NINJ2: variants seen among roughly 807,000 people sequenced by gnomAD.
The protein encoded by NINJ2 is ninjurin-2.
Under a neutral mutation model 11.7 loss-of-function variants are expected in NINJ2, and 12 were observed. The observed-to-expected ratio is 1.02, with a 90% CI of 0.66 to 1.66. The LOEUF (loss-of-function observed/expected upper bound fraction) is 1.66. NINJ2 is among the 40% of genes most tolerant of loss of function. NINJ2 has a pLI of 0.00. For synonymous variants in NINJ2, 93 were observed against 76.8 expected, an observed-to-expected ratio of 1.21 and a Z score of -1.10; for missense variants, 187 against 181.8, an observed-to-expected ratio of 1.03 and a Z score of -0.16.
Position 629,560 on chromosome 12 carries a change from G to A in NINJ2, c.33+33768C>T, listed in dbSNP as rs189993389. Reference sequence around the variant, plus strand: ...TGCAGCCCAGGACGGCTTTGAACGCGGCCCAAAACAAATTCGTAAATTGTC... The same window carrying A: ...TGCAGCCCAGGACGGCTTTGAACGCAGCCCAAAACAAATTCGTAAATTGTC... On this transcript the variant is annotated intron_variant, in intron 1 of 3. Coordinates refer to ENST00000305108, the MANE Select transcript of NINJ2 (RefSeq NM_016533.6). Among the ~76,000 whole-genome samples, 185 of 152,166 alleles carry A rather than the reference G, an allele frequency of 1.2e-3. 2 individuals carry two copies. Among genetic ancestry groups the A allele is most frequent in the African/African-American group, 4.3e-3 (177 of 41,526 alleles).
chr12:613,632 G>A (rs988546013), intron 1 of NINJ2, among the ~76,000 whole-genome samples: 1 of 152,026 alleles, frequency 6.6e-6, no homozygotes, highest in Admixed American at 6.6e-5. Flanking sequence ...TAGGCCGGGC[G>A]CGGTGGCTCA....
chr12:586,538 G>A (rs1329306164), intron 1 of NINJ2: 1 of 152,284 alleles, frequency 6.6e-6, no homozygotes, highest in African/African-American at 2.4e-5. Context: ...GAAGGGGTGG[G>A]AGCTGCTTCT....
At chr12:602,314 C>A (rs1451077321) in intron 1 of NINJ2, among the ~76,000 whole-genome samples, 1 of 152,216 alleles carries the variant, frequency 6.6e-6, no homozygotes, top group East Asian at 1.9e-4. Flanking sequence ...TTATCCCCAG[C>A]CCCAGCCTAG....
intron 1 of NINJ2, among the ~76,000 whole-genome samples, chr12:658,916 G>A (rs1287038738): frequency 6.6e-6 from 1 of 151,802 alleles, no homozygotes; most frequent in Non-Finnish European, 1.5e-5. Flanking sequence ...TGATAATGGG[G>A]AGTCTATGCA....
chr12:607,089 G>T (rs762355187), intron 1 of NINJ2, among the ~76,000 whole-genome samples: 1 of 152,122 alleles, frequency 6.6e-6, no homozygotes, highest in Non-Finnish European at 1.5e-5. Context: ...TTGCATTTCA[G>T]TCACTTGCAA....
intron 1 of NINJ2, among the ~76,000 whole-genome samples, chr12:623,829 T>C (rs1054086196): frequency 2.5e-4 from 38 of 151,018 alleles, no homozygotes; most frequent in Non-Finnish European, 5.9e-5. Flanking sequence ...AGCCCAGGAG[T>C]TCAAGACCAG....
chr12:617,569 G>A (rs1442647039), intron 1 of NINJ2, among the ~76,000 whole-genome samples: 3 of 152,204 alleles, frequency 2.0e-5, no homozygotes, highest in Non-Finnish European at 2.9e-5. Flanking sequence ...AGCTCCTGGG[G>A]ATAAAAGGCT....
intron 1 of NINJ2, among the ~76,000 whole-genome samples, chr12:587,806 C>T (rs1357050729): frequency 2.6e-5 from 4 of 152,208 alleles, no homozygotes; most frequent in South Asian, 2.1e-4. Context: ...CCTTCCTCGC[C>T]GTCCACCCAG....
At chr12:632,786 C>T (rs975807360) in intron 1 of NINJ2, among the ~76,000 whole-genome samples, 6 of 152,244 alleles carry the variant, frequency 3.9e-5, no homozygotes, top group African/African-American at 1.2e-4. Flanking sequence ...CAAATCCCAG[C>T]GGATCTAAGC....
chr12:632,968 CG>C (rs749371910), intron 1 of NINJ2, among the ~76,000 whole-genome samples: 2 of 152,074 alleles, frequency 1.3e-5, no homozygotes, highest in Non-Finnish European at 2.9e-5. Context: ...GTTAGTGGGC[CG>C]GGTTGAGCTT....
At position 628,369 on chromosome 12, in the gene NINJ2, G is replaced by A. The variant is rs1336902794; in HGVS notation, c.33+34959C>T. Among the ~76,000 whole-genome samples, 5 of 152,082 alleles carry A rather than the reference G, an allele frequency of 3.3e-5. No homozygotes were observed. The highest frequency in any genetic ancestry group is 4.8e-5 in the African/African-American group (2 of 41,458). ...ACATAGGAAGGAGCCAGGTCTTTCC[G>A]TTCTTCTGCGTCTCCTCACAGCGTC... On this transcript the variant is annotated intron_variant, in intron 1 of 3. Coordinates refer to ENST00000305108, the MANE Select transcript of NINJ2 (RefSeq NM_016533.6). The surrounding 1 kb of genome is among the most constrained non-coding windows in gnomAD (Gnocchi z 4.4).
chr12:610,386 C>A, intron 1 of NINJ2: 2 of 1,535,458 alleles, frequency 1.3e-6, no homozygotes, highest in Non-Finnish European at 1.7e-6. Flanking sequence ...TGACTTGGAA[C>A]TGAAGCCTCT....
rs1947555910 is a variant in NINJ2, at chr12:581,543, T to TA, written c.34-15366_34-15365insT. Among the ~76,000 whole-genome samples the TA allele has an allele frequency of 1.3e-5, 2 of 152,182 alleles. No homozygotes were observed. Among genetic ancestry groups the TA allele is most frequent in the Admixed American group, 6.5e-5 (1 of 15,274 alleles). ...AGCCTGGATCCTCATACCGGGGCTC[T>TA]CCTGTCCTTCCTCAGGATTCGAAAT... On this transcript the variant is annotated intron_variant, in intron 1 of 3. Transcript: ENST00000305108. The surrounding 1 kb of genome is among the most constrained non-coding windows in gnomAD (Gnocchi z 4.9).
At chr12:615,561 C>G (rs1009375396) in intron 1 of NINJ2, among the ~76,000 whole-genome samples, 1 of 152,178 alleles carries the variant, frequency 6.6e-6, no homozygotes, top group Non-Finnish European at 1.5e-5. Context: ...GCACTCTAGC[C>G]CCGGGCGACA....
At chr12:648,988 A>ATCTGTCTG (rs10648707) in intron 1 of NINJ2, among the ~76,000 whole-genome samples, 21 of 150,050 alleles carry the variant, frequency 1.4e-4, no homozygotes, top group East Asian at 6.2e-4. Context: ...CTATCTATCT[A>ATCTGTCTG]TCTATCTGTC....
intron 1 of NINJ2, among the ~76,000 whole-genome samples, chr12:655,935 TAAATAAATATA>T (rs1937866557): frequency 6.6e-6 from 1 of 151,624 alleles, no homozygotes; most frequent in Non-Finnish European, 1.5e-5. Flanking sequence ...AATAAATTTA[TAAATAAATATA>T]AAATAAATAG....
intron 1 of NINJ2, among the ~76,000 whole-genome samples, chr12:622,726 A>G (rs1948168437): frequency 6.6e-6 from 1 of 152,012 alleles, no homozygotes; most frequent in Non-Finnish European, 1.5e-5. Flanking sequence ...AGAATCTGAT[A>G]AAGGTGATGG....
chr12:616,934 A>G (rs2120361114), intron 1 of NINJ2, among the ~76,000 whole-genome samples: 1 of 152,348 alleles, frequency 6.6e-6, no homozygotes, highest in Admixed American at 6.5e-5. Flanking sequence ...AGCCGGGCGC[A>G]GTGGCTCATG....
chr12:656,647 G>A (rs1181463237), intron 1 of NINJ2, among the ~76,000 whole-genome samples: 2 of 151,958 alleles, frequency 1.3e-5, no homozygotes, highest in African/African-American at 4.8e-5. Context: ...TACTCGGGAG[G>A]CTGAGGCAGG....
Sources: allele counts gnomAD v4.1 joint callset (sites outside exome capture counted in the v4.1 genomes callset), GRCh38; gene constraint gnomAD v4.1.1; non-coding constraint Gnocchi (gnomAD v3.1); transcripts MANE v1.5; gene names NCBI Gene and HGNC (gene_info 2026-07-23, HGNC 2026-07-21).